The following DSCAML1 variants were observed in gnomAD, a reference collection of about 807,000 sequenced individuals.
DSCAML1 encodes the protein cell adhesion molecule DSCAML1.
DSCAML1 carries 38 observed loss-of-function variants against 200.5 expected under a neutral mutation model. The observed-to-expected ratio is 0.19, with a 90% CI of 0.15 to 0.25. DSCAML1 has a LOEUF of 0.25. Ranked by LOEUF, DSCAML1 falls within the 10% of genes least tolerant of loss-of-function variation. DSCAML1 has a pLI of 1.00. For missense variants in DSCAML1, 2,223 were observed against 2,858.8 expected, an observed-to-expected ratio of 0.78 and a Z score of 5.07; for synonymous variants, 1,215 against 1,165.0, an observed-to-expected ratio of 1.04 and a Z score of -0.87.
intron 20 of DSCAML1, among the ~76,000 whole-genome samples, chr11:117,449,740 C>A (rs1163552432): frequency 2.0e-5 from 3 of 152,200 alleles, no homozygotes; most frequent in Non-Finnish European, 4.4e-5. Flanking sequence ...CCCTTGAGGG[C>A]AGGTATCTGC....
chr11:117,477,330 G>A (rs2048814181), intron 14 of DSCAML1, among the ~76,000 whole-genome samples: 1 of 146,874 alleles, frequency 6.8e-6, no homozygotes, highest in Admixed American at 6.8e-5. Context: ...ATTGGATAGT[G>A]CTTTGTAATG....
chr11:117,815,883 C>A (rs2055801198), intron 1 of DSCAML1, among the ~76,000 whole-genome samples: 1 of 151,534 alleles, frequency 6.6e-6, no homozygotes, highest in Non-Finnish European at 1.5e-5. Flanking sequence ...AGCTTGCCTT[C>A]ACATCTGAGG....
At chr11:117,684,867 A>G (rs187137797) in intron 3 of DSCAML1, among the ~76,000 whole-genome samples, 49 of 152,356 alleles carry the variant, frequency 3.2e-4, no homozygotes, top group Admixed American at 2.9e-3. Context: ...TGCCTGACTA[A>G]TTGCTCCACA....
At position 117,516,492 on chromosome 11, in the gene DSCAML1, G is replaced by C; in HGVS notation, c.1758C>G (p.Ser586Arg). 4 of 1,613,858 alleles carry C rather than the reference G, an allele frequency of 2.5e-6. No homozygotes were observed. The highest frequency in any genetic ancestry group is 3.4e-6 in the Non-Finnish European group (4 of 1,179,958). Residue 586 changes from serine (S) to arginine (R), a missense_variant, in exon 8 of 33, where the codon AGC becomes AGG. By Grantham distance (110) the Ser-to-Arg change is moderately radical. This residue lies in a region of DSCAML1 where 212 missense variants were observed against 368.0 expected (regional missense o/e 0.58). Coordinates refer to ENST00000651296, the MANE Select transcript of DSCAML1 (RefSeq NM_020693.4). The surrounding 1 kb of genome is among the most constrained non-coding windows in gnomAD (Gnocchi z 5.7). ...SVLIQPQLSI[S>R]QSVHVAVKVP... is the part of the protein sequence containing the mutation. ...CTTTGACGGCTACGTGAACGCTCTG[G>C]CTGATGGAGAGCTGGGGCTGGATGA...
chr11:117,496,999 C>A (rs905883977), intron 11 of DSCAML1, among the ~76,000 whole-genome samples: 1 of 152,176 alleles, frequency 6.6e-6, no homozygotes, highest in Admixed American at 6.5e-5. Context: ...TCCCATGTTT[C>A]GTTGGTTCAG....
chr11:117,708,273 G>T (rs1182183812), intron 3 of DSCAML1, among the ~76,000 whole-genome samples: 2 of 152,196 alleles, frequency 1.3e-5, no homozygotes, highest in Admixed American at 1.3e-4. Context: ...CATTAGGAGA[G>T]TGGCCCTCTC....
At chr11:117,473,809 A>G (rs1173397792) in intron 14 of DSCAML1, among the ~76,000 whole-genome samples, 3 of 152,198 alleles carry the variant, frequency 2.0e-5, no homozygotes, top group African/African-American at 4.8e-5. Context: ...CGGGAGGGTC[A>G]CTTTGTGGTT....
intron 19 of DSCAML1, among the ~76,000 whole-genome samples, chr11:117,454,434 G>A (rs1209024196): frequency 6.6e-6 from 1 of 152,202 alleles, no homozygotes; most frequent in Admixed American, 6.5e-5. Context: ...TGTTTAATGT[G>A]TTATTAAACC....
At chr11:117,606,805 T>A (rs1266066036) in intron 3 of DSCAML1, among the ~76,000 whole-genome samples, 1 of 152,208 alleles carries the variant, frequency 6.6e-6, no homozygotes, top group African/African-American at 2.4e-5. Context: ...CAAATTTGGA[T>A]TCTGATGCTG....
chr11:117,559,684 C>G (rs1341242978), intron 3 of DSCAML1, among the ~76,000 whole-genome samples: 1 of 152,164 alleles, frequency 6.6e-6, no homozygotes, highest in Admixed American at 6.5e-5. Flanking sequence ...CAGGCAGACC[C>G]AAGTTTGGCT....
rs1049913262 is a variant in DSCAML1 at position 117,633,738 on chromosome 11, G to A, written c.512-101216C>T. ...ATTGAAGGGTAGGGGGAAGACACTT[G>A]TCTGTTCGAAACGCAGCACGGCAGG... is the stretch of plus-strand genomic sequence containing the variant. On this transcript the variant is annotated intron_variant, in intron 3 of 32. Coordinates refer to ENST00000651296, the MANE Select transcript of DSCAML1 (RefSeq NM_020693.4). Among the ~76,000 whole-genome samples, 10 of 152,366 alleles carry A rather than the reference G, an allele frequency of 6.6e-5. No individual in the cohort carries two copies. In the South Asian group the frequency reaches 2.1e-3, roughly 32 times the overall value.
intron 1 of DSCAML1, among the ~76,000 whole-genome samples, chr11:117,814,920 T>C (rs776446679): frequency 2.0e-5 from 3 of 152,220 alleles, no homozygotes; most frequent in Non-Finnish European, 4.4e-5. Context: ...TAGTATTTAC[T>C]GGAGAGCCGA....
At chr11:117,721,813 T>TATATA (rs777069693) in intron 3 of DSCAML1, among the ~76,000 whole-genome samples, 9 of 146,600 alleles carry the variant, frequency 6.1e-5, no homozygotes, top group African/African-American at 2.2e-4. Flanking sequence ...ATATATATAT[T>TATATA]TTTTTTTTTT....
chr11:117,594,563 G>A (rs191246096), intron 3 of DSCAML1, among the ~76,000 whole-genome samples: 37 of 152,304 alleles, frequency 2.4e-4, no homozygotes, highest in Non-Finnish European at 4.6e-4. Flanking sequence ...ATTTGGAGAT[G>A]GTGTTCTGGC....
At chr11:117,439,673 G>A in intron 22 of DSCAML1, 146 bp downstream of exon 22, 2 of 851,318 alleles carry the variant, frequency 2.3e-6, no homozygotes, top group East Asian at 2.4e-5. Context: ...GCTTGAGAGA[G>A]CAGTAGCAGC....
At chr11:117,730,441 G>C (rs1325327005) in intron 3 of DSCAML1, among the ~76,000 whole-genome samples, 1 of 152,170 alleles carries the variant, frequency 6.6e-6, no homozygotes, top group Non-Finnish European at 1.5e-5. Context: ...CCAGACTTCT[G>C]ACCTCCGGAA....
At chr11:117,438,853 C>A in intron 24 of DSCAML1, 32 bp downstream of exon 24, 1 of 1,501,210 alleles carries the variant, frequency 6.7e-7, no homozygotes, top group East Asian at 2.6e-5. Context: ...ATTCCTTCCC[C>A]TATCTTCCCC....
At chr11:117,430,292 G>C (rs1235690908) in intron 32 of DSCAML1, among the ~76,000 whole-genome samples, 1 of 152,176 alleles carries the variant, frequency 6.6e-6, no homozygotes, top group Non-Finnish European at 1.5e-5. Flanking sequence ...AAACAGCATT[G>C]AGACCAGAGG....
intron 8 of DSCAML1, among the ~76,000 whole-genome samples, chr11:117,509,676 G>T (rs2049580213): frequency 6.6e-6 from 1 of 152,224 alleles, no homozygotes; most frequent in Non-Finnish European, 1.5e-5. Context: ...GCAGGGTGGG[G>T]ACTCCTCCAT....
Sources: gnomAD v4.1 joint callset for allele counts (sites outside exome capture counted in the v4.1 genomes callset) on GRCh38, gnomAD v4.1.1 for gene constraint, gnomAD v4.1.1 regional missense constraint, Gnocchi (gnomAD v3.1) non-coding constraint, MANE v1.5 for transcripts, NCBI Gene and HGNC (gene_info 2026-07-23, HGNC 2026-07-21) for gene names.